The following ARID5B variants were observed in gnomAD, a reference collection of about 807,000 sequenced individuals.
ARID5B encodes the protein AT-rich interactive domain-containing protein 5B.
Under a neutral mutation model 97.2 loss-of-function variants are expected in ARID5B, and 13 were observed. That is an observed-to-expected ratio of 0.13 (90% CI 0.09 to 0.21). The LOEUF (loss-of-function observed/expected upper bound fraction) is 0.21, where lower values mean the gene tolerates loss of function less well. Among genes scored for constraint, ARID5B ranks in the 10% least tolerant of loss-of-function variants. ARID5B has a pLI of 1.00. For synonymous variants in ARID5B, 556 were observed against 570.3 expected (o/e 0.97, Z 0.36); for missense variants, 1,210 against 1,465.3 (o/e 0.83, Z 2.84).
intron 4 of ARID5B, among the ~76,000 whole-genome samples, chr10:62,034,106 G>T (rs532347091): frequency 1.3e-5 from 2 of 152,174 alleles, no homozygotes; most frequent in Non-Finnish European, 2.9e-5. Context: ...TCGGGATGTC[G>T]TCCTTTTCTG....
intron 1 of ARID5B, 50 bp downstream of exon 1, chr10:61,901,780 C>A (rs762704193): frequency 1.3e-6 from 2 of 1,575,590 alleles, no homozygotes; most frequent in Non-Finnish European, 1.7e-6. Flanking sequence ...CCGGCACCCC[C>A]CAACCCCCCA....
At chr10:62,013,656 TGTAA>T (rs1839246420) in intron 4 of ARID5B, among the ~76,000 whole-genome samples, 1 of 152,030 alleles carries the variant, frequency 6.6e-6, no homozygotes, top group Admixed American at 6.6e-5. Flanking sequence ...AGATGCTACA[TGTAA>T]GTGAGATCTT....
chr10:61,991,073 C>CACACACACACACACACACACACA (rs1554842863), intron 3 of ARID5B, among the ~76,000 whole-genome samples: 1 of 150,504 alleles, frequency 6.6e-6, no homozygotes, highest in African/African-American at 2.4e-5. Context: ...CACACACACA[C>CACACACACACACACACACACACA]CAAATTTTGT....
At chr10:62,016,493 G>T (rs928443413) in intron 4 of ARID5B, among the ~76,000 whole-genome samples, 1 of 152,198 alleles carries the variant, frequency 6.6e-6, no homozygotes, top group South Asian at 2.1e-4. Context: ...ACCAAACAGT[G>T]TATCTTACAA....
At chr10:62,032,167 A>G (rs1266906990) in intron 4 of ARID5B, among the ~76,000 whole-genome samples, 5 of 152,118 alleles carry the variant, frequency 3.3e-5, no homozygotes, top group African/African-American at 9.7e-5. Context: ...TAAAAATAAA[A>G]AAGTAGTCAG....
chr10:62,067,456 C>T (rs1485030423), intron 7 of ARID5B, among the ~76,000 whole-genome samples: 2 of 152,212 alleles, frequency 1.3e-5, no homozygotes, highest in Non-Finnish European at 2.9e-5. Flanking sequence ...CCTCAGAGCA[C>T]TGTTAATTCA....
chr10:62,048,448 T>A (rs1839740886), intron 4 of ARID5B, among the ~76,000 whole-genome samples: 1 of 152,100 alleles, frequency 6.6e-6, no homozygotes, highest in Non-Finnish European at 1.5e-5. Flanking sequence ...TGATTTTGAG[T>A]CCTGAATGAC....
In ARID5B at chr10:61,940,212, G is replaced by T; in HGVS notation, c.306G>T (p.Val102=). ...EDEVIAVSEK[V]IVKLEDLVKW... is the part of the protein sequence containing the mutation. ...AAGTCATTGCTGTTTCCGAAAAGGT[G>T]ATTGTGAAGCTTGAAGACCTGGTCA... is the stretch of plus-strand genomic sequence containing the variant. Residue 102 remains valine, a synonymous_variant, in exon 3 of 10, where the codon GTG becomes GTT. Transcript: ENST00000279873. 1 of 1,614,154 alleles carries T rather than the reference G, an allele frequency of 6.2e-7. No homozygotes were observed. Among genetic ancestry groups the T allele is most frequent in the Non-Finnish European group, 8.5e-7 (1 of 1,180,004 alleles).
chr10:61,912,672 A>G (rs1372418079), intron 2 of ARID5B, among the ~76,000 whole-genome samples: 7 of 151,168 alleles, frequency 4.6e-5, no homozygotes, highest in African/African-American at 1.7e-4. Context: ...ATGTTTATAT[A>G]TATATATATA....
At chr10:62,052,181 AT>A (rs943391612) in intron 5 of ARID5B, among the ~76,000 whole-genome samples, 2 of 152,166 alleles carry the variant, frequency 1.3e-5, no homozygotes, top group African/African-American at 4.8e-5. Flanking sequence ...CTGAAAACAA[AT>A]CTCTTTCCCT....
chr10:61,912,820 A>AC (rs1240126424), intron 2 of ARID5B, among the ~76,000 whole-genome samples: 5 of 151,820 alleles, frequency 3.3e-5, no homozygotes, highest in Admixed American at 1.3e-4. Flanking sequence ...AAGCCAAGTT[A>AC]CCCCCCAGTT....
At chr10:61,931,602 A>G (rs761113667) in intron 2 of ARID5B, among the ~76,000 whole-genome samples, 21 of 152,238 alleles carry the variant, frequency 1.4e-4, no homozygotes, top group African/African-American at 4.6e-4. Context: ...TTCAAACCAC[A>G]TATCTGACAA....
At chr10:61,904,698 A>G (rs1228517517) in intron 2 of ARID5B, among the ~76,000 whole-genome samples, 4 of 152,246 alleles carry the variant, frequency 2.6e-5, no homozygotes, top group African/African-American at 9.6e-5. Flanking sequence ...TAGCTGTATG[A>G]TTATACTTGT....
At chr10:61,950,516 A>T (rs1206354571) in intron 3 of ARID5B, among the ~76,000 whole-genome samples, 5 of 152,144 alleles carry the variant, frequency 3.3e-5, no homozygotes, top group African/African-American at 1.2e-4. Flanking sequence ...AAAAAATTTT[A>T]AAAATTAGCT....
intron 3 of ARID5B, among the ~76,000 whole-genome samples, chr10:61,994,954 A>G (rs1175543309): frequency 1.3e-5 from 2 of 151,996 alleles, no homozygotes; most frequent in African/African-American, 2.4e-5. Flanking sequence ...TTTTTTTGGT[A>G]TAGGAGAAAT....
chr10:61,920,743 C>A (rs1037282002), intron 2 of ARID5B, among the ~76,000 whole-genome samples: 6 of 152,124 alleles, frequency 3.9e-5, no homozygotes, highest in Non-Finnish European at 8.8e-5. Context: ...TGACTATAAC[C>A]TTTTATTCAA....
chr10:61,934,134 C>T (rs4948490), intron 2 of ARID5B, among the ~76,000 whole-genome samples: 29,273 of 152,174 alleles, frequency 0.19, 3,067 homozygotes, highest in South Asian at 0.31. Context: ...CATGAATCAA[C>T]CTCTGTTAGC....
Position 62,091,746 on chromosome 10 carries a change from G to T in ARID5B, c.2283G>T (p.Lys761Asn). The change falls in exon 10 of 10, where the codon AAG (lysine) becomes AAT (asparagine). Residue 761 changes from lysine to asparagine, a missense_variant. Lys to Asn is a moderately conservative substitution (Grantham distance 94). This residue lies in a region of ARID5B where 800 missense variants were observed against 839.1 expected (regional missense o/e 0.95). Coordinates refer to ENST00000279873, the MANE Select transcript of ARID5B (RefSeq NM_032199.3). ...VIQHVQSFRS[K>N]PSEERKTIND... ...AGCACGTCCAGAGTTTCAGAAGCAA[G>T]CCCTCGGAAGAGAGAAAGACCATCA... 5.0e-6 allele frequency: 8 copies of T among 1,614,124 alleles called. No individual in the cohort carries two copies. Among genetic ancestry groups the T allele is most frequent in the Non-Finnish European group, 6.8e-6 (8 of 1,180,034 alleles).
At chr10:61,966,349 C>T (rs1383307802) in intron 3 of ARID5B, among the ~76,000 whole-genome samples, 1 of 152,126 alleles carries the variant, frequency 6.6e-6, no homozygotes, top group African/African-American at 2.4e-5. Context: ...CCTCCTCCCC[C>T]AAGAAGTCAT....
Sources: allele counts gnomAD v4.1 joint callset (sites outside exome capture counted in the v4.1 genomes callset), GRCh38; gene constraint gnomAD v4.1.1; regional missense constraint gnomAD v4.1.1; transcripts MANE v1.5; gene names NCBI Gene and HGNC (gene_info 2026-07-23, HGNC 2026-07-21).